The following ALLC variants were observed in gnomAD, a reference collection of about 807,000 sequenced individuals.
The protein encoded by ALLC is allantoicase, also known as probable inactive allantoicase.
ALLC carries 40 observed loss-of-function variants against 45.0 expected under a neutral mutation model. That is an observed-to-expected ratio of 0.89 (90% CI 0.69 to 1.16). The LOEUF is 1.16. Among genes scored for constraint, ALLC ranks in the 50% most tolerant of loss-of-function variants. The pLI, the probability that ALLC is intolerant of heterozygous loss-of-function variation, is 0.00. For synonymous variants in ALLC, 176 were observed against 178.1 expected (o/e 0.99, Z 0.09); for missense variants, 488 against 493.1 (o/e 0.99, Z 0.10).
Position 3,696,353 on chromosome 2 carries a change from G to A in ALLC, c.741+5G>A, listed in dbSNP as rs1667673017. 4 of 1,607,112 alleles carry A rather than the reference G, an allele frequency of 2.5e-6. No homozygotes were observed. Among genetic ancestry groups the A allele is most frequent in the Non-Finnish European group, 3.4e-6 (4 of 1,177,186 alleles). On this transcript the variant is annotated splice_donor_5th_base_variant and intron_variant, in intron 9 of 11. Transcript: ENST00000252505. ...GACCGGCCACCAATATTAGAAGTAA[G>A]AAGTTAAAAATAACTATGGTTTAAA...
At chr2:3,657,344 G>A (rs1666466790), upstream of ALLC, among the ~76,000 whole-genome samples, 1 of 152,196 alleles carries the variant, frequency 6.6e-6, no homozygotes, top group Non-Finnish European at 1.5e-5. Flanking sequence ...GTCAGGCCCT[G>A]GGGAAAGAAA....
At chr2:3,683,288 T>A (rs1667247326) in intron 7 of ALLC, among the ~76,000 whole-genome samples, 2 of 152,248 alleles carry the variant, frequency 1.3e-5, no homozygotes. Context: ...TAAATTAGGA[T>A]GTGGTGGAAC....
chr2:3,647,145 G>T, the ALLC span, among the ~76,000 whole-genome samples: 1 of 152,256 alleles, frequency 6.6e-6, no homozygotes, highest in Non-Finnish European at 1.5e-5. Context: ...CAGGCTGCAG[G>T]GGTTGCGCGT....
intron 3 of ALLC, among the ~76,000 whole-genome samples, chr2:3,674,827 T>C (rs1369051744): frequency 6.6e-6 from 1 of 152,170 alleles, no homozygotes; most frequent in Non-Finnish European, 1.5e-5. Context: ...AAGGGCAACA[T>C]GAATTAACTT....
At chr2:3,675,079 T>G (rs1461508071) in intron 3 of ALLC, among the ~76,000 whole-genome samples, 1 of 152,148 alleles carries the variant, frequency 6.6e-6, no homozygotes, top group Non-Finnish European at 1.5e-5. Context: ...CTTCCAGATA[T>G]GGACTATTAT....
intron 3 of ALLC, among the ~76,000 whole-genome samples, chr2:3,674,582 G>A (rs996460498): frequency 2.6e-5 from 4 of 152,178 alleles, no homozygotes; most frequent in Middle Eastern, 3.2e-3. Context: ...GTGGAGATGC[G>A]AACTCTTGTG....
the ALLC span, among the ~76,000 whole-genome samples, chr2:3,646,663 A>G: frequency 6.6e-6 from 1 of 152,280 alleles, no homozygotes; most frequent in South Asian, 2.1e-4. Context: ...CTTTTGCTTC[A>G]TTGGCGCAGA....
chr2:3,660,237 C>G (rs530592165), intron 1 of ALLC, among the ~76,000 whole-genome samples: 117 of 152,340 alleles, frequency 7.7e-4, no homozygotes, highest in African/African-American at 2.6e-3. Flanking sequence ...CTCTTCTGCC[C>G]TGTGGTGGCT....
chr2:3,661,374 G>A (rs1041624843), intron 1 of ALLC, among the ~76,000 whole-genome samples: 2 of 152,182 alleles, frequency 1.3e-5, no homozygotes, highest in African/African-American at 4.8e-5. Flanking sequence ...AAAGCCTCAA[G>A]CAGGGGTTCA....
intron 9 of ALLC, 37 bp downstream of exon 9, chr2:3,696,385 C>T (rs1385847451): frequency 6.5e-7 from 1 of 1,547,054 alleles, no homozygotes; most frequent in East Asian, 2.3e-5. Flanking sequence ...TAAAGTTTTT[C>T]TTAAAAGTAT....
the ALLC span, among the ~76,000 whole-genome samples, chr2:3,646,208 C>T: frequency 6.6e-6 from 1 of 152,220 alleles, no homozygotes; most frequent in Non-Finnish European, 1.5e-5. Context: ...CTCAAGGGTC[C>T]TCCCTGTAAC....
At chr2:3,654,712 T>A (rs1666403625), upstream of ALLC, among the ~76,000 whole-genome samples, 1 of 152,240 alleles carries the variant, frequency 6.6e-6, no homozygotes, top group African/African-American at 2.4e-5. Flanking sequence ...AACGTGACTG[T>A]CTTTTCTGCG....
chr2:3,699,730 T>C (rs901233085), intron 10 of ALLC, among the ~76,000 whole-genome samples: 1 of 152,248 alleles, frequency 6.6e-6, no homozygotes, highest in Non-Finnish European at 1.5e-5. Context: ...TGGTTTTGAT[T>C]TGCATTTCTC....
rs1666913884 is a variant in ALLC, at chr2:3,672,572, C to A, written c.33+1382C>A. 2.0e-5 allele frequency among the ~76,000 whole-genome samples: 2 copies of A among 98,772 alleles called. 1 individual carries two copies. The highest frequency in any genetic ancestry group is 9.2e-5 in the African/African-American group (2 of 21,816). The allele number at this position is 98,772 out of a possible 152,430, so 64.8% of individuals were successfully genotyped here. On this transcript the variant is annotated intron_variant, in intron 2 of 11. Transcript: ENST00000252505. Reference sequence around the variant, plus strand: ...CTCTGGTTCTGGTTAGATGGGAGGTCCCCTGGCTCTGGTTAGATGGGAGGT... The same window carrying A: ...CTCTGGTTCTGGTTAGATGGGAGGTACCCTGGCTCTGGTTAGATGGGAGGT...
chr2:3,670,008 G>A (rs552192453), intron 1 of ALLC, among the ~76,000 whole-genome samples: 1 of 152,298 alleles, frequency 6.6e-6, no homozygotes, highest in African/African-American at 2.4e-5. Flanking sequence ...CAGGGGATGA[G>A]GGCGCAGGAG....
chr2:3,646,807 T>C, the ALLC span, among the ~76,000 whole-genome samples: 52 of 152,338 alleles, frequency 3.4e-4, 2 homozygotes, highest in East Asian at 9.0e-3. Context: ...GTTTGAATAT[T>C]TCTCCGTTTC....
chr2:3,646,445 T>G, the ALLC span, among the ~76,000 whole-genome samples: 3 of 152,196 alleles, frequency 2.0e-5, no homozygotes, highest in Non-Finnish European at 4.4e-5. Flanking sequence ...TTGACAGGAA[T>G]TTCTTGATAT....
At chr2:3,682,563 T>C (rs1358493653) in intron 6 of ALLC, among the ~76,000 whole-genome samples, 1 of 152,238 alleles carries the variant, frequency 6.6e-6, no homozygotes, top group Non-Finnish European at 1.5e-5. Flanking sequence ...TCTCGCTCTG[T>C]GGCCCAGGCT....
At chr2:3,646,071 T>C in the ALLC span, among the ~76,000 whole-genome samples, 1 of 151,924 alleles carries the variant, frequency 6.6e-6, no homozygotes, top group Non-Finnish European at 1.5e-5. Context: ...CCTTGGAAAA[T>C]AGAGTGTCTC....
Sources: gnomAD v4.1 joint callset for allele counts (sites outside exome capture counted in the v4.1 genomes callset) on GRCh38, gnomAD v4.1.1 for gene constraint, MANE v1.5 for transcripts, NCBI Gene and HGNC (gene_info 2026-07-23, HGNC 2026-07-21) for gene names.